Variants in RANBP2 observed in about 807,000 individuals in gnomAD.
RANBP2 encodes E3 SUMO-protein ligase RanBP2.
In RANBP2, 57 loss-of-function variants were observed where a neutral mutation model predicts 303.6. That is an observed-to-expected ratio of 0.19 (90% CI 0.15 to 0.23). The LOEUF is 0.23. Ranked by LOEUF, RANBP2 falls within the 10% of genes least tolerant of loss-of-function variation. The pLI is 1.00. For synonymous variants in RANBP2, 1,167 were observed against 1,301.5 expected (o/e 0.90, Z 2.23); for missense variants, 3,138 against 3,780.8 (o/e 0.83, Z 4.46).
chr2:108,991,545 A>G, the RANBP2 span, among the ~76,000 whole-genome samples: 1 of 152,204 alleles, frequency 6.6e-6, no homozygotes, highest in Non-Finnish European at 1.5e-5. Flanking sequence ...CTTGCTACAC[A>G]TAACAGCCCG....
chr2:108,832,155 T>C, the RANBP2 span, among the ~76,000 whole-genome samples: 36 of 151,308 alleles, frequency 2.4e-4, no homozygotes, highest in African/African-American at 8.3e-4. Flanking sequence ...TCAGCCTCCC[T>C]AGTAGCTGGG....
the RANBP2 span, among the ~76,000 whole-genome samples, chr2:109,522,240 A>G: frequency 6.6e-6 from 1 of 151,632 alleles, no homozygotes; most frequent in Admixed American, 6.6e-5. Context: ...AGAAGAAAAT[A>G]CCAGTGTCCG....
chr2:109,274,179 A>C, the RANBP2 span, among the ~76,000 whole-genome samples: 1 of 152,236 alleles, frequency 6.6e-6, no homozygotes, highest in Non-Finnish European at 1.5e-5. Context: ...TAGAAAGTTA[A>C]AAAGTCATTA....
At chr2:108,912,113 A>G in the RANBP2 span, among the ~76,000 whole-genome samples, 2 of 152,150 alleles carry the variant, frequency 1.3e-5, no homozygotes, top group Non-Finnish European at 2.9e-5. Context: ...AGGGTACCTC[A>G]CGGCTCGCTG....
the RANBP2 span, among the ~76,000 whole-genome samples, chr2:108,825,615 T>C: frequency 6.6e-6 from 1 of 152,206 alleles, no homozygotes; most frequent in Admixed American, 6.5e-5. Context: ...AATTCACTCA[T>C]GTTGTCACAT....
the RANBP2 span, among the ~76,000 whole-genome samples, chr2:109,708,058 C>T: frequency 6.6e-6 from 1 of 152,266 alleles, no homozygotes; most frequent in East Asian, 1.9e-4. Flanking sequence ...TCCTTTGTAC[C>T]TCTAAAGCAA....
At chr2:108,937,076 G>A in the RANBP2 span, among the ~76,000 whole-genome samples, 1 of 152,260 alleles carries the variant, frequency 6.6e-6, no homozygotes, top group Non-Finnish European at 1.5e-5. Context: ...CAAGACCACA[G>A]GCACCGTCCT....
At chr2:109,696,226 G>A in the RANBP2 span, among the ~76,000 whole-genome samples, 1 of 152,128 alleles carries the variant, frequency 6.6e-6, no homozygotes, top group Non-Finnish European at 1.5e-5. Flanking sequence ...GCCTCCCACT[G>A]TCCTGGGATT....
the RANBP2 span, among the ~76,000 whole-genome samples, chr2:109,487,132 A>C: frequency 6.6e-6 from 1 of 152,186 alleles, no homozygotes; most frequent in Non-Finnish European, 1.5e-5. Flanking sequence ...GCTCCTGAAC[A>C]TTGCTTGCTT....
chr2:109,733,392 C>T, the RANBP2 span, among the ~76,000 whole-genome samples: 1 of 152,086 alleles, frequency 6.6e-6, no homozygotes, highest in South Asian at 2.1e-4. Context: ...ATAATAAATA[C>T]TCTCAGCAAA....
At chr2:109,580,582 C>T in the RANBP2 span, among the ~76,000 whole-genome samples, 3 of 152,034 alleles carry the variant, frequency 2.0e-5, no homozygotes, top group African/African-American at 7.2e-5. Context: ...GACTATCCTA[C>T]AAAATACTGC....
At chr2:108,845,350 A>G in the RANBP2 span, among the ~76,000 whole-genome samples, 3 of 152,128 alleles carry the variant, frequency 2.0e-5, no homozygotes, top group Admixed American at 6.5e-5. Flanking sequence ...TTAATTTTAG[A>G]TGCAGAAATT....
At chr2:109,186,414 C>T in the RANBP2 span, among the ~76,000 whole-genome samples, 1 of 152,212 alleles carries the variant, frequency 6.6e-6, no homozygotes. Context: ...CGATACGAAC[C>T]TGGGGAGTGA....
chr2:108,768,089 G>T lies in RANBP2; in HGVS notation c.7550G>T (p.Gly2517Val), dbSNP rs2949963. The T allele has an allele frequency of 1.2e-5, 19 of 1,611,920 alleles. No homozygotes were observed. The highest frequency in any genetic ancestry group is 1.4e-5 in the Non-Finnish European group (17 of 1,179,870). The change falls in exon 20 of 29, where the codon GGT becomes GTT. Residue 2517 changes from glycine (G) to valine (V), a missense_variant. Coordinates refer to ENST00000283195, the MANE Select transcript of RANBP2 (RefSeq NM_006267.5). ...GTTTCTCCTCCAAAGTTTGTATTTG[G>T]TTCAGAGTCTGTTAAAAGCATTTTT... is the stretch of plus-strand genomic sequence containing the variant. ...AVVSPPKFVF[G>V]SESVKSIFSS... is the part of the protein sequence containing the mutation.
chr2:109,213,832 A>AGG, the RANBP2 span, among the ~76,000 whole-genome samples: 1 of 152,208 alleles, frequency 6.6e-6, no homozygotes, highest in Non-Finnish European at 1.5e-5. Context: ...CTGGAAGGGC[A>AGG]GGGTTACAGC....
the RANBP2 span, among the ~76,000 whole-genome samples, chr2:109,455,968 G>A: frequency 6.6e-6 from 1 of 152,238 alleles, no homozygotes; most frequent in Non-Finnish European, 1.5e-5. Flanking sequence ...TCACCCACGT[G>A]GGAACCATCA....
At chr2:108,974,329 CAAAAAAAAAAAAAAA>C in the RANBP2 span, among the ~76,000 whole-genome samples, 1 of 61,496 alleles carries the variant, frequency 1.6e-5, no homozygotes, top group African/African-American at 6.7e-5. Flanking sequence ...GGATCCGTCT[CAAAAAAAAAAAAAAA>C]AAAAAAAAAA....
chr2:109,491,235 A>C, the RANBP2 span, among the ~76,000 whole-genome samples: 1 of 152,168 alleles, frequency 6.6e-6, no homozygotes, highest in Non-Finnish European at 1.5e-5. Flanking sequence ...GTGGGAGACT[A>C]GGCAGTGAGT....
chr2:109,290,590 C>G, the RANBP2 span, among the ~76,000 whole-genome samples: 1 of 152,240 alleles, frequency 6.6e-6, no homozygotes, highest in Non-Finnish European at 1.5e-5. Context: ...TTTTCTAGAT[C>G]AATGCAAGTC....
Sources: allele counts gnomAD v4.1 joint callset (sites outside exome capture counted in the v4.1 genomes callset), GRCh38; gene constraint gnomAD v4.1.1; transcripts MANE v1.5; gene names NCBI Gene and HGNC (gene_info 2026-07-23, HGNC 2026-07-21).